The following PCDHGA2 variants were observed in gnomAD, a reference collection of about 807,000 sequenced individuals.
PCDHGA2 encodes the protein protocadherin gamma subfamily A, 2.
Under a neutral mutation model 59.2 loss-of-function variants are expected in PCDHGA2, and 40 were observed. The observed-to-expected ratio is 0.68, with a 90% CI of 0.52 to 0.88. The LOEUF is 0.88. Among genes scored for constraint, PCDHGA2 ranks in the 40% least tolerant of loss-of-function variants. The probability of loss-of-function intolerance (pLI) is 0.00; values close to 1 mark genes in which losing one functional copy is unlikely to be tolerated. For synonymous variants in PCDHGA2, 560 were observed against 526.0 expected, an observed-to-expected ratio of 1.06 and a Z score of -0.89; for missense variants, 1,226 against 1,204.0, an observed-to-expected ratio of 1.02 and a Z score of -0.27.
In PCDHGA2 at chr5:141,485,051, CCGAACCGCG is replaced by C. The variant is rs2099605816; in HGVS notation, c.2425-9754_2425-9746del. On this transcript the variant is annotated intron_variant, in intron 1 of 3. Coordinates refer to ENST00000394576, the MANE Select transcript of PCDHGA2 (RefSeq NM_018915.4). This position sits in a 1 kb window ranked among gnomAD's most constrained non-coding sequence, Gnocchi z 5.7. ...CGGCGCGTAACCCTTGCGGCGCCGG[CCGAACCGCG>C]CCAGAGCTGGCGCGGGGAAAGGGAG... 1.2e-6 allele frequency: 1 copy of C among 801,304 alleles called. No individual in the cohort carries two copies. Among genetic ancestry groups the C allele is most frequent in the East Asian group, 2.5e-5 (1 of 40,224 alleles). 49.6% of individuals were successfully genotyped at this position (801,304 alleles called of 1,614,324 possible). A position where few individuals can be genotyped will look rare whatever the true frequency, so the allele number is the denominator to read the frequency against.
intron 1 of PCDHGA2, among the ~76,000 whole-genome samples, chr5:141,346,979 T>C (rs1295799375): frequency 1.3e-5 from 2 of 152,026 alleles, no homozygotes; most frequent in African/African-American, 4.8e-5. Context: ...CCAAGACAGG[T>C]GACACTCTTT....
chr5:141,402,451 G>A (rs2094267451), intron 1 of PCDHGA2, among the ~76,000 whole-genome samples: 1 of 152,016 alleles, frequency 6.6e-6, no homozygotes. Context: ...AATTATAATA[G>A]TTTACATATC....
chr5:141,453,032 G>A (rs2098754281), intron 1 of PCDHGA2, among the ~76,000 whole-genome samples: 1 of 152,132 alleles, frequency 6.6e-6, no homozygotes, highest in Admixed American at 6.5e-5. Flanking sequence ...TTAAAATAAA[G>A]TTTGTTTCTA....
intron 1 of PCDHGA2, chr5:141,394,548 C>T (rs1176145709): frequency 6.2e-7 from 1 of 1,614,160 alleles, no homozygotes; most frequent in Admixed American, 1.7e-5. Context: ...GGAGCTGGCG[C>T]CCCGCTCCGC....
chr5:141,458,949 T>A (rs948180008), intron 1 of PCDHGA2, among the ~76,000 whole-genome samples: 1 of 151,814 alleles, frequency 6.6e-6, no homozygotes, highest in East Asian at 1.9e-4. Flanking sequence ...CTTAGGTTGG[T>A]CACAAATTCA....
intron 1 of PCDHGA2, chr5:141,415,782 T>C: frequency 7.4e-7 from 1 of 1,356,228 alleles, no homozygotes. Context: ...TACTTTCTGG[T>C]AAAATTCACC....
Position 141,362,113 on chromosome 5 carries a change from C to T in PCDHGA2, c.2424+20718C>T, listed in dbSNP as rs769104675. ...GCCGCCACTCTCCGCTACGGCCACG[C>T]TGCACCTAATCTTCGCGGATAGCCT... On this transcript the variant is annotated intron_variant, in intron 1 of 3. Coordinates refer to ENST00000394576, the MANE Select transcript of PCDHGA2 (RefSeq NM_018915.4). 2.5e-6 allele frequency: 4 copies of T among 1,614,018 alleles called. No individual in the cohort carries two copies. In the Admixed American group the frequency reaches 6.7e-5, roughly 27 times the overall value.
intron 1 of PCDHGA2, chr5:141,389,477 G>C (rs761615943): frequency 1.9e-6 from 3 of 1,613,174 alleles, no homozygotes; most frequent in Non-Finnish European, 2.5e-6. Flanking sequence ...TCACACTGCA[G>C]GCCCGCGACC....
intron 1 of PCDHGA2, among the ~76,000 whole-genome samples, chr5:141,369,166 G>C (rs1766070013): frequency 6.6e-6 from 1 of 152,148 alleles, no homozygotes; most frequent in African/African-American, 2.4e-5. Context: ...AGGGAAAAGT[G>C]TAAATAACAA....
At position 141,477,166 on chromosome 5, in the gene PCDHGA2, G is replaced by A. The variant is rs753389305; in HGVS notation, c.2425-17641G>A. ...TTGTGGATGTGAATGACAACGCCCC[G>A]GAGATCACAGTCACCTCCGTGTACA... On this transcript the variant is annotated intron_variant, in intron 1 of 3. Transcript: ENST00000394576. This position sits in a 1 kb window ranked among gnomAD's most constrained non-coding sequence, Gnocchi z 4.9. 5.9e-5 allele frequency: 96 copies of A among 1,614,012 alleles called. 1 individual carries two copies. Among genetic ancestry groups the A allele is most frequent in the Non-Finnish European group, 7.9e-5 (93 of 1,180,030 alleles).
chr5:141,383,928 T>C (rs543603315), intron 1 of PCDHGA2: 20 of 1,613,902 alleles, frequency 1.2e-5, no homozygotes, highest in Admixed American at 1.7e-5. Flanking sequence ...TAAATGATAA[T>C]GCTCCAGAAG....
intron 1 of PCDHGA2, chr5:141,410,203 C>T: frequency 1.9e-6 from 3 of 1,614,022 alleles, no homozygotes; most frequent in Non-Finnish European, 2.5e-6. Flanking sequence ...TCGCAGACAA[C>T]TTGCAAGAGA....
In PCDHGA2 at chr5:141,361,046, A is replaced by T. The variant is rs779477758; in HGVS notation, c.2424+19651A>T. ...GAAAAAACAGGAGAAATCACGACAA[A>T]GGATGATTTGGATTTTGAGATTGCA... On this transcript the variant is annotated intron_variant, in intron 1 of 3. Transcript: ENST00000394576. The T allele has an allele frequency of 7.4e-6, 12 of 1,613,592 alleles. No individual in the cohort carries two copies. The highest frequency in any genetic ancestry group is 9.3e-6 in the Non-Finnish European group (11 of 1,179,716).
intron 1 of PCDHGA2, among the ~76,000 whole-genome samples, chr5:141,346,785 T>C (rs905887302): frequency 1.9e-4 from 29 of 152,244 alleles, no homozygotes; most frequent in African/African-American, 6.8e-4. Flanking sequence ...CTTGAGTAAC[T>C]ATGATGAGAG....
intron 1 of PCDHGA2, chr5:141,421,421 T>A (rs982627903): frequency 6.2e-7 from 1 of 1,613,876 alleles, no homozygotes; most frequent in Non-Finnish European, 8.5e-7. Flanking sequence ...AAGCGCGGAG[T>A]CCGCATCGTC....
intron 1 of PCDHGA2, among the ~76,000 whole-genome samples, chr5:141,357,882 C>T (rs1001848409): frequency 1.3e-5 from 2 of 152,162 alleles, no homozygotes; most frequent in African/African-American, 2.4e-5. Flanking sequence ...TCTGAGCCAC[C>T]TCATTTCCTT....
chr5:141,392,706 C>T (rs2092579718), intron 1 of PCDHGA2: 1 of 1,289,828 alleles, frequency 7.8e-7, no homozygotes, highest in South Asian at 1.6e-5. Flanking sequence ...TGTTTGGAGG[C>T]ACTCCAGGTT....
chr5:141,450,755 G>A (rs556795021), intron 1 of PCDHGA2, among the ~76,000 whole-genome samples: 8 of 152,040 alleles, frequency 5.3e-5, no homozygotes, highest in Admixed American at 1.3e-4. Context: ...CCAAAGTGCC[G>A]GGATTACAGG....
intron 1 of PCDHGA2, chr5:141,376,145 G>A: frequency 6.2e-7 from 1 of 1,613,994 alleles, no homozygotes; most frequent in Non-Finnish European, 8.5e-7. Context: ...CAACGATTCG[G>A]ACCTCACTCT....
Sources: allele counts gnomAD v4.1 joint callset (sites outside exome capture counted in the v4.1 genomes callset), GRCh38; gene constraint gnomAD v4.1.1; non-coding constraint Gnocchi (gnomAD v3.1); transcripts MANE v1.5; gene names NCBI Gene and HGNC (gene_info 2026-07-23, HGNC 2026-07-21).